Variants in RAP1A observed in about 807,000 individuals in gnomAD.
The protein encoded by RAP1A is ras-related protein Rap-1A.
Under a neutral mutation model 26.4 loss-of-function variants are expected in RAP1A, and 6 were observed. The ratio of observed to expected loss-of-function variants is 0.23; its 90% CI spans 0.12 to 0.45. The LOEUF (loss-of-function observed/expected upper bound fraction) is 0.45. Among genes scored for constraint, RAP1A ranks in the 20% least tolerant of loss-of-function variants. The probability of loss-of-function intolerance (pLI) is 0.99; values close to 1 mark genes in which losing one functional copy is unlikely to be tolerated. For missense variants in RAP1A, 121 were observed against 217.2 expected (o/e 0.56, Z 2.78); for synonymous variants, 73 against 79.4 (o/e 0.92, Z 0.43).
At chr1:111,646,625 C>G (rs1660077826) in intron 1 of RAP1A, among the ~76,000 whole-genome samples, 1 of 151,974 alleles carries the variant, frequency 6.6e-6, no homozygotes, top group Admixed American at 6.6e-5. Flanking sequence ...ACTGCAAGCT[C>G]CACCTCCCGG....
intron 1 of RAP1A, among the ~76,000 whole-genome samples, chr1:111,672,023 G>C (rs1660990955): frequency 6.6e-6 from 1 of 152,136 alleles, no homozygotes; most frequent in Non-Finnish European, 1.5e-5. Flanking sequence ...AGCATGGTCT[G>C]TTCTAGTAAA....
intron 1 of RAP1A, among the ~76,000 whole-genome samples, chr1:111,650,239 C>T (rs1748887): frequency 0.13 from 19,788 of 151,674 alleles, 1,510 homozygotes; most frequent in East Asian, 0.21. Context: ...GTGACTTGCC[C>T]TGAGATAAAT....
chr1:111,615,950 G>A (rs140925936), upstream of RAP1A, among the ~76,000 whole-genome samples: 3 of 152,212 alleles, frequency 2.0e-5, no homozygotes, highest in East Asian at 5.8e-4. Context: ...CCATCACAGT[G>A]CAATGTTTAT....
At chr1:111,548,425 A>AATG (rs1330447067) in intron 1 of RAP1A, among the ~76,000 whole-genome samples, 2 of 152,214 alleles carry the variant, frequency 1.3e-5, no homozygotes, top group African/African-American at 2.4e-5. Context: ...CCTTTAAAGA[A>AATG]ATGCTTCAGG....
chr1:111,711,918 C>T (rs1032409236), intron 7 of RAP1A, among the ~76,000 whole-genome samples: 1 of 152,112 alleles, frequency 6.6e-6, no homozygotes, highest in Non-Finnish European at 1.5e-5. Flanking sequence ...TTCTTCTGCT[C>T]TTGACTATGG....
intron 1 of RAP1A, among the ~76,000 whole-genome samples, chr1:111,563,243 T>C (rs1657815468): frequency 6.6e-6 from 1 of 152,094 alleles, no homozygotes; most frequent in Non-Finnish European, 1.5e-5. Flanking sequence ...ACCACTGTAC[T>C]ACAGCCAGGG....
upstream of RAP1A, among the ~76,000 whole-genome samples, chr1:111,615,652 G>A (rs975916548): frequency 6.6e-6 from 1 of 151,850 alleles, no homozygotes; most frequent in Non-Finnish European, 1.5e-5. Context: ...CCAACATGGT[G>A]AAACCCCGCC....
chr1:111,587,279 T>G (rs998773924), intron 1 of RAP1A, among the ~76,000 whole-genome samples: 4 of 152,166 alleles, frequency 2.6e-5, no homozygotes, highest in African/African-American at 9.7e-5. Flanking sequence ...TTCTCTTTTT[T>G]TCCTTAAACC....
At chr1:111,579,869 G>A (rs899979070) in intron 1 of RAP1A, among the ~76,000 whole-genome samples, 6 of 152,028 alleles carry the variant, frequency 3.9e-5, no homozygotes, top group African/African-American at 1.5e-4. Context: ...GAGTGCAATG[G>A]TGTGATCTCG....
intron 1 of RAP1A, chr1:111,564,018 A>G: frequency 8.5e-7 from 1 of 1,173,934 alleles, no homozygotes; most frequent in Non-Finnish European, 1.3e-6. Flanking sequence ...CACCCATCCA[A>G]CCCTTCTGCC....
At chr1:111,668,528 C>T (rs934249781) in intron 1 of RAP1A, among the ~76,000 whole-genome samples, 1 of 152,110 alleles carries the variant, frequency 6.6e-6, no homozygotes, top group Non-Finnish European at 1.5e-5. Flanking sequence ...ATTATTATCC[C>T]CATTTTACAG....
At chr1:111,686,247 G>A (rs1661473808) in intron 1 of RAP1A, among the ~76,000 whole-genome samples, 1 of 152,162 alleles carries the variant, frequency 6.6e-6, no homozygotes, top group Non-Finnish European at 1.5e-5. Flanking sequence ...TTCTGCACAT[G>A]TATTCCAGAA....
intron 1 of RAP1A, among the ~76,000 whole-genome samples, chr1:111,558,923 A>C (rs1261013845): frequency 1.3e-5 from 2 of 152,186 alleles, no homozygotes; most frequent in East Asian, 3.8e-4. Flanking sequence ...ACGTAGTAAC[A>C]AGTGAAAAGT....
chr1:111,559,250 A>C (rs1314733921), intron 1 of RAP1A, among the ~76,000 whole-genome samples: 2 of 152,196 alleles, frequency 1.3e-5, no homozygotes, highest in African/African-American at 4.8e-5. Context: ...TATTAATAAG[A>C]TAATCAACTA....
intron 1 of RAP1A, among the ~76,000 whole-genome samples, chr1:111,551,089 T>C (rs541839135): frequency 6.6e-6 from 1 of 152,320 alleles, no homozygotes; most frequent in East Asian, 1.9e-4. Flanking sequence ...GAAATACTTA[T>C]CTTTTCTCAT....
intron 1 of RAP1A, among the ~76,000 whole-genome samples, chr1:111,634,845 A>G (rs901620618): frequency 3.3e-5 from 5 of 152,096 alleles, no homozygotes; most frequent in African/African-American, 1.2e-4. Flanking sequence ...GGGTTTCACC[A>G]TGTTGGCCAG....
intron 3 of RAP1A, among the ~76,000 whole-genome samples, chr1:111,697,035 G>T (rs1661853676): frequency 6.6e-6 from 1 of 152,080 alleles, no homozygotes; most frequent in Non-Finnish European, 1.5e-5. Flanking sequence ...CCAAAATGTT[G>T]TGCGCATTTT....
intron 1 of RAP1A, among the ~76,000 whole-genome samples, chr1:111,622,188 C>CA (rs1225278267): frequency 6.6e-6 from 1 of 152,138 alleles, no homozygotes; most frequent in Non-Finnish European, 1.5e-5. Flanking sequence ...AGTTGATTTC[C>CA]ACACAGCAGC....
chr1:111,542,216 A>G (rs1297104500), upstream of RAP1A: 8 of 578,926 alleles, frequency 1.4e-5, no homozygotes, highest in Non-Finnish European at 2.3e-5. Context: ...AATGAAACAG[A>G]CATCCTTCGC....
Sources: gnomAD v4.1 joint callset for allele counts (sites outside exome capture counted in the v4.1 genomes callset) on GRCh38, gnomAD v4.1.1 for gene constraint, MANE v1.5 for transcripts, NCBI Gene and HGNC (gene_info 2026-07-23, HGNC 2026-07-21) for gene names.